DGKG: variants seen among roughly 807,000 people sequenced by gnomAD.
DGKG encodes the protein DAG kinase gamma.
A neutral mutation model predicts 105.3 loss-of-function variants in DGKG; 78 were observed. The observed-to-expected ratio is 0.74, with a 90% CI of 0.62 to 0.89. DGKG has a LOEUF of 0.89. Among genes scored for constraint, DGKG ranks in the 40% least tolerant of loss-of-function variants. The pLI, the probability that DGKG is intolerant of heterozygous loss-of-function variation, is 0.00. For missense variants in DGKG, 958 were observed against 1,020.1 expected, an observed-to-expected ratio of 0.94 and a Z score of 0.83; for synonymous variants, 346 against 367.1, an observed-to-expected ratio of 0.94 and a Z score of 0.66.
chr3:186,201,996 C>T, intron 21 of DGKG, among the ~76,000 whole-genome samples: 1 of 152,166 alleles, frequency 6.6e-6, no homozygotes, highest in East Asian at 1.9e-4. Context: ...GGTCCCGTGG[C>T]ATTGTGAAGG....
intron 1 of DGKG, among the ~76,000 whole-genome samples, chr3:186,355,691 TATCACC>T (rs1726918043): frequency 6.7e-6 from 1 of 148,362 alleles, no homozygotes; most frequent in African/African-American, 2.5e-5. Flanking sequence ...ATTACCCCAT[TATCACC>T]ATCACCAGCA....
chr3:186,245,668 G>C (rs1720904202), intron 19 of DGKG, among the ~76,000 whole-genome samples: 2 of 152,164 alleles, frequency 1.3e-5, no homozygotes, highest in South Asian at 4.1e-4. Flanking sequence ...TTTCAGGTGT[G>C]GGGTGAAGAG....
At chr3:186,291,573 A>G (rs1723309861) in intron 5 of DGKG, among the ~76,000 whole-genome samples, 2 of 152,344 alleles carry the variant, frequency 1.3e-5, no homozygotes, top group South Asian at 4.1e-4. Context: ...AAATATGTGA[A>G]CTATTGATAT....
At chr3:186,213,436 T>C (rs73056005) in intron 20 of DGKG, among the ~76,000 whole-genome samples, 3,786 of 152,302 alleles carry the variant, frequency 0.025, 129 homozygotes, top group African/African-American at 0.088. Context: ...TGTAAAATAA[T>C]TGGGGGAAAC....
At chr3:186,313,259 C>T (rs889872059) in intron 2 of DGKG, among the ~76,000 whole-genome samples, 6 of 152,024 alleles carry the variant, frequency 3.9e-5, no homozygotes, top group Non-Finnish European at 8.8e-5. Context: ...GAACATGAGC[C>T]GAGGCTGAGG....
At chr3:186,154,907 C>A (rs1715959999) in intron 24 of DGKG, among the ~76,000 whole-genome samples, 1 of 152,028 alleles carries the variant, frequency 6.6e-6, no homozygotes, top group Non-Finnish European at 1.5e-5. Flanking sequence ...GTTTCAGAAC[C>A]CCTGTAGGTT....
Position 186,167,760 on chromosome 3 carries a change from T to TTCACTCAC in DGKG, c.2096-2750_2096-2743dup, listed in dbSNP as rs56211107. Among the ~76,000 whole-genome samples, 863 of 150,716 alleles carry TTCACTCAC rather than the reference T, an allele frequency of 5.7e-3. 5 individuals are homozygous for TTCACTCAC. Among genetic ancestry groups the TTCACTCAC allele is most frequent in the African/African-American group, 0.014 (556 of 40,914 alleles). On this transcript the variant is annotated intron_variant, in intron 22 of 24. Coordinates refer to ENST00000265022, the MANE Select transcript of DGKG (RefSeq NM_001346.3). ...TGTATGCACCTTAGTAAAACAGGAA[T>TTCACTCAC]TCACTCACTCACTCACTCACTCACT...
chr3:186,238,344 A>G (rs910926677), intron 20 of DGKG, among the ~76,000 whole-genome samples: 20 of 151,958 alleles, frequency 1.3e-4, no homozygotes, highest in African/African-American at 4.3e-4. Flanking sequence ...AAAAGAAAAC[A>G]ATCCATTTGC....
At chr3:186,163,125 C>A (rs1716379677) in intron 23 of DGKG, among the ~76,000 whole-genome samples, 1 of 152,148 alleles carries the variant, frequency 6.6e-6, no homozygotes, top group Non-Finnish European at 1.5e-5. Flanking sequence ...CCTACCTCAA[C>A]CTCCTGAGTA....
At chr3:186,318,555 T>C (rs1724923879) in intron 2 of DGKG, among the ~76,000 whole-genome samples, 1 of 152,092 alleles carries the variant, frequency 6.6e-6, no homozygotes, top group South Asian at 2.1e-4. Flanking sequence ...GCAGATGTAA[T>C]TAGTTAAGAT....
Position 186,211,904 on chromosome 3 carries a change from A to C in DGKG, c.1827-19T>G, listed in dbSNP as rs1719057624. 1.3e-6 allele frequency: 2 copies of C among 1,592,360 alleles called. No homozygotes were observed. Among genetic ancestry groups the C allele is most frequent in the African/African-American group, 1.3e-5 (1 of 74,482 alleles). ...CTTCATCCTGGACCACAAAGCAGAG[A>C]GATGTCTCAATATTCCATACTTGAA... is the stretch of plus-strand genomic sequence containing the variant. On this transcript the variant is annotated intron_variant, in intron 20 of 24. Transcript: ENST00000265022.
At chr3:186,272,429 T>C in intron 10 of DGKG, 86 bp from the exon 11 acceptor site, 1 of 957,948 alleles carries the variant, frequency 1.0e-6, no homozygotes. Context: ...CCAAGGTCTG[T>C]ACCTCCCTTT....
At chr3:186,356,834 GA>G (rs1292910610) in intron 1 of DGKG, among the ~76,000 whole-genome samples, 1 of 152,168 alleles carries the variant, frequency 6.6e-6, no homozygotes, top group Non-Finnish European at 1.5e-5. Context: ...TCCCTGAGGA[GA>G]AGCACAGACT....
rs973933453 is a variant in DGKG, at chr3:186,315,044, C to T, written c.67+5349G>A. The stretch of plus-strand genomic sequence containing the variant: ...CATCCCCACATGCACACACCCTCTG[C>T]GGTAGAAATCTATTTAAATATAGAA... On this transcript the variant is annotated intron_variant, in intron 2 of 24. Transcript: ENST00000265022. Among the ~76,000 whole-genome samples the T allele has an allele frequency of 5.3e-5, 8 of 152,142 alleles. No homozygotes were observed. In the East Asian group the frequency reaches 1.2e-3, roughly 22 times the overall value.
intron 5 of DGKG, among the ~76,000 whole-genome samples, chr3:186,289,943 T>C (rs1310153007): frequency 6.6e-6 from 1 of 152,184 alleles, no homozygotes. Flanking sequence ...GATGAAAGCC[T>C]TCCAGGTTCC....
Position 186,349,110 on chromosome 3 carries a change from C to T in DGKG, c.-249+12836G>A, listed in dbSNP as rs957662977. Reference sequence around the variant, plus strand: ...AAATTAGAGACAGGTCTCGCTCTGTCACTCAGGCTGGAGTGCCATGTCACG... The same window carrying T: ...AAATTAGAGACAGGTCTCGCTCTGTTACTCAGGCTGGAGTGCCATGTCACG... On this transcript the variant is annotated intron_variant, in intron 1 of 24. Coordinates refer to ENST00000265022, the MANE Select transcript of DGKG (RefSeq NM_001346.3). Among the ~76,000 whole-genome samples, 6 of 151,780 alleles carry T rather than the reference C, an allele frequency of 4.0e-5. 1 individual carries two copies. The highest frequency in any genetic ancestry group is 3.9e-4 in the Admixed American group (6 of 15,248).
intron 21 of DGKG, among the ~76,000 whole-genome samples, chr3:186,204,563 T>C (rs1466986912): frequency 6.6e-6 from 1 of 152,186 alleles, no homozygotes; most frequent in Non-Finnish European, 1.5e-5. Context: ...TATGGTGATA[T>C]GGATTAAATA....
At chr3:186,164,809 T>A in intron 23 of DGKG, 89 bp downstream of exon 23, 1 of 1,469,756 alleles carries the variant, frequency 6.8e-7, no homozygotes, top group Non-Finnish European at 9.1e-7. Flanking sequence ...CTCCCTGCCC[T>A]AAAATCCAAA....
At chr3:186,235,902 G>A (rs1445435551) in intron 20 of DGKG, among the ~76,000 whole-genome samples, 1 of 152,164 alleles carries the variant, frequency 6.6e-6, no homozygotes, top group Non-Finnish European at 1.5e-5. Context: ...TAGTAAGCCA[G>A]AAGCACCCAG....
Sources: allele counts gnomAD v4.1 joint callset (sites outside exome capture counted in the v4.1 genomes callset), GRCh38; gene constraint gnomAD v4.1.1; transcripts MANE v1.5; gene names NCBI Gene and HGNC (gene_info 2026-07-23, HGNC 2026-07-21).